Variants in NF1 observed in about 807,000 individuals in gnomAD.
NF1 encodes neurofibromin 1.
A neutral mutation model predicts 325.7 loss-of-function variants in NF1; 122 were observed. The ratio of observed to expected loss-of-function variants is 0.37; its 90% CI spans 0.32 to 0.44. NF1 has a LOEUF of 0.44. Among genes scored for constraint, NF1 ranks in the 20% least tolerant of loss-of-function variants. The pLI is 1.00. For missense variants in NF1, 2,140 were observed against 3,415.4 expected (o/e 0.63, Z 9.31); for synonymous variants, 1,091 against 1,186.0 (o/e 0.92, Z 1.65).
intron 56 of NF1, chr17:31,360,281 A>C (rs2070368545): frequency 1.7e-6 from 1 of 583,556 alleles, no homozygotes; most frequent in Non-Finnish European, 3.0e-6. Context: ...ATGCAGGTTC[A>C]TCTGGAAGCT....
chr17:31,168,674 A>G (rs1211338750), intron 4 of NF1, among the ~76,000 whole-genome samples: 2 of 152,102 alleles, frequency 1.3e-5, no homozygotes, highest in East Asian at 1.9e-4. Flanking sequence ...TGATGATGCT[A>G]TGTGGTTCCT....
At chr17:31,317,637 T>C (rs2069058781) in intron 36 of NF1, 2 of 152,212 alleles carry the variant, frequency 1.3e-5, no homozygotes, top group Admixed American at 6.5e-5. Context: ...TTCTCTAAAG[T>C]AATAAAGTGA....
At chr17:31,351,644 G>A (rs1419464956) in intron 50 of NF1, among the ~76,000 whole-genome samples, 1 of 152,188 alleles carries the variant, frequency 6.6e-6, no homozygotes, top group East Asian at 1.9e-4. Context: ...TTGAACTCCT[G>A]ACCTCAGGTG....
chr17:31,350,106 C>A, intron 49 of NF1, 77 bp from the exon 50 acceptor site: 1 of 1,492,284 alleles, frequency 6.7e-7, no homozygotes, highest in Non-Finnish European at 9.3e-7. Context: ...CTTTAGGAGA[C>A]TGTAAGAAGT....
At chr17:31,295,543 T>C (rs778173948) in intron 36 of NF1, 17 of 1,614,136 alleles carry the variant, frequency 1.1e-5, no homozygotes, top group Non-Finnish European at 8.5e-7. Context: ...ACATGTTATG[T>C]TCCTTTAAAG....
intron 29 of NF1, among the ~76,000 whole-genome samples, chr17:31,245,852 C>T (rs2067380563): frequency 6.6e-6 from 1 of 152,152 alleles, no homozygotes; most frequent in African/African-American, 2.4e-5. Context: ...CACCTTCAGC[C>T]TCTCTCCTCT....
At chr17:31,350,431 A>G in intron 50 of NF1, 113 bp downstream of exon 50, 1 of 878,372 alleles carries the variant, frequency 1.1e-6, no homozygotes, top group South Asian at 1.5e-5. Context: ...AAATCTAGAG[A>G]TGGCCTAGGA....
At chr17:31,335,575 A>G (rs1026762671) in intron 40 of NF1, among the ~76,000 whole-genome samples, 2 of 151,872 alleles carry the variant, frequency 1.3e-5, no homozygotes, top group African/African-American at 4.8e-5. Flanking sequence ...TAAGGAAATA[A>G]TGCCCTCACT....
chr17:31,320,241 ACTAT>A, intron 36 of NF1: 1 of 664,790 alleles, frequency 1.5e-6, no homozygotes, highest in Non-Finnish European at 2.3e-6. Flanking sequence ...TAAAAGCAAA[ACTAT>A]ATTGTTCTCC....
intron 1 of NF1, among the ~76,000 whole-genome samples, chr17:31,105,042 C>T (rs1476446787): frequency 2.0e-5 from 3 of 152,022 alleles, no homozygotes; most frequent in Non-Finnish European, 2.9e-5. Context: ...GGACTATGGG[C>T]GTGCGCCACC....
At chr17:31,324,420 T>A (rs1195634015) in intron 36 of NF1, among the ~76,000 whole-genome samples, 1 of 152,136 alleles carries the variant, frequency 6.6e-6, no homozygotes, top group African/African-American at 2.4e-5. Context: ...TAAATCAGGG[T>A]GATTAGGATA....
chr17:31,221,473 A>G (rs2066919886), intron 14 of NF1, among the ~76,000 whole-genome samples: 1 of 152,158 alleles, frequency 6.6e-6, no homozygotes. Context: ...TGTGTGTATT[A>G]ATTTTGGCAA....
intron 3 of NF1, among the ~76,000 whole-genome samples, chr17:31,161,145 A>G (rs373287814): frequency 8.5e-5 from 13 of 152,328 alleles, no homozygotes; most frequent in African/African-American, 2.9e-4. Flanking sequence ...ACTTACCAAT[A>G]TGTTATGAGT....
intron 57 of NF1, chr17:31,367,259 G>A: frequency 7.6e-7 from 1 of 1,311,580 alleles, no homozygotes; most frequent in South Asian, 1.2e-5. Flanking sequence ...CAGTTTTCAT[G>A]CAGCTGTTCC....
In NF1 at chr17:31,095,237, G is replaced by A. The variant is rs886052795; in HGVS notation, c.-73G>A. The A allele has an allele frequency of 1.4e-6, 2 of 1,426,678 alleles. No homozygotes were observed. The highest frequency in any genetic ancestry group is 2.0e-5 in the Admixed American group (1 of 50,552). 88.4% of individuals were successfully genotyped at this position (1,426,678 alleles called of 1,614,324 possible). A position where few individuals can be genotyped will look rare whatever the true frequency, so the allele number is the denominator to read the frequency against. ...TGCCTCTTCCCTCACCTCAGCCTCC[G>A]CTCCCCGCCCTCTTCCCGGCCCAGG... On this transcript the variant is annotated 5_prime_UTR_variant, in exon 1 of 58. Transcript: ENST00000358273.
chr17:31,257,425 G>T (rs2067601808), intron 31 of NF1, among the ~76,000 whole-genome samples: 1 of 152,120 alleles, frequency 6.6e-6, no homozygotes, highest in South Asian at 2.1e-4. Context: ...TTTCATCTAT[G>T]ACATGATTTA....
intron 47 of NF1, among the ~76,000 whole-genome samples, chr17:31,341,917 A>G (rs2069835299): frequency 6.6e-6 from 1 of 152,164 alleles, no homozygotes; most frequent in South Asian, 2.1e-4. Flanking sequence ...TTTTAAAAGA[A>G]TGTGTATATA....
At chr17:31,212,210 A>AC (rs1218268527) in intron 12 of NF1, among the ~76,000 whole-genome samples, 27 of 152,210 alleles carry the variant, frequency 1.8e-4, no homozygotes, top group Admixed American at 1.8e-3. Context: ...GCCTAGGCCT[A>AC]CATGGGGTCA....
chr17:31,101,117 C>T (rs993894098), intron 1 of NF1, among the ~76,000 whole-genome samples: 1 of 152,056 alleles, frequency 6.6e-6, no homozygotes, highest in African/African-American at 2.4e-5. Context: ...TGTTTATCCA[C>T]CCATTTCCTT....
Sources: allele counts gnomAD v4.1 joint callset (sites outside exome capture counted in the v4.1 genomes callset), GRCh38; gene constraint gnomAD v4.1.1; transcripts MANE v1.5; gene names NCBI Gene and HGNC (gene_info 2026-07-23, HGNC 2026-07-21).